NNT: variants seen among roughly 807,000 people sequenced by gnomAD.
NNT encodes the protein NAD(P) transhydrogenase, mitochondrial.
NNT carries 50 observed loss-of-function variants against 104.8 expected under a neutral mutation model. The observed-to-expected ratio is 0.48, with a 90% CI of 0.38 to 0.60. The LOEUF is 0.60. Ranked by LOEUF, NNT falls within the 20% of genes least tolerant of loss-of-function variation. NNT has a pLI of 0.00. For missense variants in NNT, 1,131 were observed against 1,330.7 expected, an observed-to-expected ratio of 0.85 and a Z score of 2.33; for synonymous variants, 461 against 490.4, an observed-to-expected ratio of 0.94 and a Z score of 0.79.
intron 8 of NNT, 48 bp downstream of exon 8, chr5:43,644,373 G>A: frequency 6.3e-7 from 1 of 1,578,994 alleles, no homozygotes; most frequent in Non-Finnish European, 8.6e-7. Flanking sequence ...CATGTCTTGA[G>A]TTATGGGGGG....
chr5:43,661,673 T>C (rs1352890664), intron 17 of NNT, among the ~76,000 whole-genome samples: 2 of 150,192 alleles, frequency 1.3e-5, no homozygotes, highest in African/African-American at 4.9e-5. Context: ...TGGTTTTTTG[T>C]TCTTGTGATA....
At chr5:43,669,127 T>C (rs1386753560) in intron 17 of NNT, among the ~76,000 whole-genome samples, 2 of 152,212 alleles carry the variant, frequency 1.3e-5, no homozygotes, top group Non-Finnish European at 2.9e-5. Flanking sequence ...TGCACATTGA[T>C]TTTGTATCCT....
chr5:43,605,314 A>C (rs1173783431), intron 1 of NNT, among the ~76,000 whole-genome samples: 2 of 151,462 alleles, frequency 1.3e-5, no homozygotes, highest in Non-Finnish European at 1.5e-5. Flanking sequence ...CAGGAGATCG[A>C]GACCATCCTG....
At chr5:43,704,122 T>A (rs934614075) in intron 21 of NNT, 133 bp from the exon 22 acceptor site, 32 of 621,420 alleles carry the variant, frequency 5.1e-5, no homozygotes, top group Admixed American at 2.1e-4. Flanking sequence ...TGTGTATTTT[T>A]AAAGTCCCTG....
rs189058590 is a variant in NNT at position 43,687,066 on chromosome 5, G to T, written c.2876+9260G>T. 2.6e-5 allele frequency among the ~76,000 whole-genome samples: 4 copies of T among 152,204 alleles called. No homozygotes were observed. The East Asian group carries it at 7.7e-4, about 29-fold the overall frequency. ...AACCCCTTCTCTCCTTCTCTCTCTT[G>T]AATGGAGTCCTTGCAATAGAGTGGC... On this transcript the variant is annotated intron_variant, in intron 19 of 21. Transcript: ENST00000344920.
In NNT at chr5:43,677,760, A is replaced by G. The variant is rs1286069625; in HGVS notation, c.2830A>G (p.Ile944Val). Residue 944 changes from isoleucine to valine, a missense_variant, in exon 19 of 22, where the codon ATT (isoleucine) becomes GTT (valine). Transcript: ENST00000344920. Reference protein sequence around the residue: ...GLCAAKAQYPIADLVKMLTEQ... With the variant: ...GLCAAKAQYPVADLVKMLTEQ... The stretch of plus-strand genomic sequence containing the variant: ...CTGTGCAGCCAAAGCTCAATACCCC[A>G]TTGCTGATTTGGTAAAGATGCTCAC... 10 of 1,613,752 alleles carry G rather than the reference A, an allele frequency of 6.2e-6. No homozygotes were observed. The highest frequency in any genetic ancestry group is 2.2e-5 in the East Asian group (1 of 44,870).
intron 5 of NNT, among the ~76,000 whole-genome samples, chr5:43,620,238 GAGACGGAGTCTCAC>G (rs1750006921): frequency 3.3e-5 from 5 of 149,284 alleles, no homozygotes; most frequent in African/African-American, 1.2e-4. Context: ...CTTTTTTTTT[GAGACGGAGTCTCAC>G]TCTGTCACCC....
Position 43,645,425 on chromosome 5 carries a change from G to A in NNT, c.1359G>A (p.Lys453=). The part of the protein sequence containing the change: ...NIPQGAPVKQ[K]TVAELEAEKA... ...CTCAAGGTGCCCCAGTAAAACAGAA[G>A]ACAGTGGCTGAGCTGGAAGCTGAAA... Residue 453 remains lysine, a synonymous_variant, in exon 10 of 22, where the codon AAG becomes AAA. Coordinates refer to ENST00000344920, the MANE Select transcript of NNT (RefSeq NM_182977.3). 6.4e-7 allele frequency: 1 copy of A among 1,571,602 alleles called. No individual in the cohort carries two copies. Among genetic ancestry groups the A allele is most frequent in the Non-Finnish European group, 8.6e-7 (1 of 1,157,636 alleles).
intron 19 of NNT, among the ~76,000 whole-genome samples, chr5:43,684,017 C>T (rs2112147937): frequency 6.6e-6 from 1 of 152,264 alleles, no homozygotes; most frequent in East Asian, 1.9e-4. Context: ...TTGATGTTTG[C>T]ACCAGACCAT....
At chr5:43,665,924 C>T (rs1032291794) in intron 17 of NNT, among the ~76,000 whole-genome samples, 1 of 151,344 alleles carries the variant, frequency 6.6e-6, no homozygotes, top group East Asian at 2.0e-4. Flanking sequence ...GGGGTGGCGG[C>T]GGGGCAAAGA....
chr5:43,611,482 T>G (rs1248436992), intron 2 of NNT, among the ~76,000 whole-genome samples: 2 of 152,176 alleles, frequency 1.3e-5, no homozygotes, highest in Non-Finnish European at 2.9e-5. Context: ...TAAGTGAACT[T>G]GAGATGAGTG....
At position 43,677,263 on chromosome 5, in the gene NNT, C is replaced by G. The variant is rs569535989; in HGVS notation, c.2795-462C>G. 3.3e-5 allele frequency among the ~76,000 whole-genome samples: 5 copies of G among 152,132 alleles called. No individual in the cohort carries two copies. In the East Asian group the frequency reaches 5.8e-4, roughly 18 times the overall value. ...GAATGTGAGGGGCAAAGTTAAAGCC[C>G]TTTGGAAACTTATATAAGCGGAGAA... On this transcript the variant is annotated intron_variant, in intron 18 of 21. Transcript: ENST00000344920.
intron 6 of NNT, 27 bp from the exon 7 acceptor site, chr5:43,628,173 C>G (rs771946402): frequency 1.3e-6 from 2 of 1,499,642 alleles, no homozygotes. Flanking sequence ...GAAATAACTA[C>G]TCTTTCCACT....
chr5:43,668,501 T>C (rs1647634233), intron 17 of NNT, among the ~76,000 whole-genome samples: 1 of 152,220 alleles, frequency 6.6e-6, no homozygotes, highest in Admixed American at 6.5e-5. Context: ...TTCATATGTC[T>C]AGCCAGTTTT....
intron 19 of NNT, among the ~76,000 whole-genome samples, chr5:43,682,842 GGGATACCTCAGT>G (rs1485376253): frequency 1.3e-5 from 2 of 152,030 alleles, no homozygotes; most frequent in Non-Finnish European, 2.9e-5. Flanking sequence ...GTAGGTCCAG[GGGATACCTCAGT>G]GAAGACAACA....
At chr5:43,628,884 G>C (rs1750517077) in intron 7 of NNT, among the ~76,000 whole-genome samples, 1 of 151,738 alleles carries the variant, frequency 6.6e-6, no homozygotes, top group African/African-American at 2.4e-5. Flanking sequence ...ACCACGCCTA[G>C]CCCTTTTGTG....
At chr5:43,691,942 T>C (rs1176002765) in intron 19 of NNT, among the ~76,000 whole-genome samples, 1 of 152,210 alleles carries the variant, frequency 6.6e-6, no homozygotes, top group Admixed American at 6.5e-5. Flanking sequence ...TTAAAATACA[T>C]ATTAATAAAC....
chr5:43,645,561 TTA>T (rs71974629), intron 10 of NNT, 51 bp downstream of exon 10: 7,085 of 1,115,214 alleles, frequency 6.4e-3, no homozygotes, highest in East Asian at 9.8e-3. Context: ...ATTTTGCAAG[TTA>T]TATATATATA....
intron 7 of NNT, among the ~76,000 whole-genome samples, chr5:43,633,723 T>G (rs1384262518): frequency 6.6e-6 from 1 of 152,220 alleles, no homozygotes; most frequent in East Asian, 1.9e-4. Flanking sequence ...TAATTCTGGA[T>G]ACCTTCCTTA....
Sources: gnomAD v4.1 joint callset for allele counts (sites outside exome capture counted in the v4.1 genomes callset) on GRCh38, gnomAD v4.1.1 for gene constraint, MANE v1.5 for transcripts, NCBI Gene and HGNC (gene_info 2026-07-23, HGNC 2026-07-21) for gene names.